The following LEPR variants were observed in gnomAD, a reference collection of about 807,000 sequenced individuals.
LEPR encodes the protein OB receptor.
LEPR carries 56 observed loss-of-function variants against 114.7 expected under a neutral mutation model. The ratio of observed to expected loss-of-function variants is 0.49; its 90% CI spans 0.39 to 0.61. The LOEUF (loss-of-function observed/expected upper bound fraction) is 0.61. Ranked by LOEUF, LEPR falls within the 20% of genes least tolerant of loss-of-function variation. LEPR has a pLI of 0.00. For missense variants in LEPR, 1,202 were observed against 1,352.9 expected (o/e 0.89, Z 1.75); for synonymous variants, 443 against 461.4 (o/e 0.96, Z 0.51).
At chr1:65,536,785 A>G (rs149278081) in intron 2 of LEPR, among the ~76,000 whole-genome samples, 10 of 152,300 alleles carry the variant, frequency 6.6e-5, no homozygotes, top group African/African-American at 2.4e-4. Context: ...TTTGTGATAC[A>G]GCAATTCAAA....
intron 1 of LEPR, among the ~76,000 whole-genome samples, chr1:65,422,395 C>T (rs1646268771): frequency 6.6e-6 from 1 of 152,154 alleles, no homozygotes; most frequent in Non-Finnish European, 1.5e-5. Context: ...TGCTTCCCTA[C>T]AGCCTTCAGA....
At chr1:65,552,854 T>A (rs1479597805) in intron 2 of LEPR, among the ~76,000 whole-genome samples, 1 of 152,222 alleles carries the variant, frequency 6.6e-6, no homozygotes, top group African/African-American at 2.4e-5. Context: ...TGGCTGGTAC[T>A]GGTTTTTCCT....
At chr1:65,424,955 C>G (rs1646330214) in intron 1 of LEPR, among the ~76,000 whole-genome samples, 1 of 152,190 alleles carries the variant, frequency 6.6e-6, no homozygotes, top group African/African-American at 2.4e-5. Context: ...GAAAGGGACA[C>G]ACATAATGCA....
rs1658769246 is a variant in LEPR at position 65,638,040 on chromosome 1, G to T, written c.*1025G>T. On this transcript the variant is annotated 3_prime_UTR_variant, in exon 20 of 20. Transcript: ENST00000349533. ...ACATAGCCATCAATTTAAAAAAACTGACTTGTAATCAAAATTTATTAAGTA... is the reference window on the plus strand; with the variant it reads ...ACATAGCCATCAATTTAAAAAAACTTACTTGTAATCAAAATTTATTAAGTA... 1 of 152,052 alleles carries T rather than the reference G, an allele frequency of 6.6e-6. No homozygotes were observed. Among genetic ancestry groups the T allele is most frequent in the Admixed American group, 6.6e-5 (1 of 15,248 alleles). The allele number at this position is 152,052 out of a possible 1,614,324, so 9.4% of individuals were successfully genotyped here. A position where few individuals can be genotyped will look rare whatever the true frequency, so the allele number is the denominator to read the frequency against.
chr1:65,594,351 G>A (rs895952680), intron 6 of LEPR, among the ~76,000 whole-genome samples: 3 of 152,040 alleles, frequency 2.0e-5, no homozygotes, highest in Non-Finnish European at 4.4e-5. Context: ...TAAGGGATGA[G>A]GTCAGAGTTA....
chr1:65,433,330 A>G (rs943403506), intron 2 of LEPR: 26 of 985,286 alleles, frequency 2.6e-5, no homozygotes, highest in Admixed American at 6.1e-5. Flanking sequence ...TCTTTTCTAT[A>G]TAACTTTATG....
intron 2 of LEPR, chr1:65,433,702 T>C (rs1646519704): frequency 1.7e-5 from 16 of 950,486 alleles, no homozygotes; most frequent in Non-Finnish European, 2.0e-5. Context: ...TTTCCAATAT[T>C]TATATTAGAA....
At chr1:65,459,827 C>G (rs983664747) in intron 2 of LEPR, among the ~76,000 whole-genome samples, 1 of 152,156 alleles carries the variant, frequency 6.6e-6, no homozygotes, top group South Asian at 2.1e-4. Context: ...TAGCCATTCT[C>G]TGTTATTTGC....
chr1:65,609,705 A>C (rs1657044479), intron 12 of LEPR, among the ~76,000 whole-genome samples: 1 of 152,190 alleles, frequency 6.6e-6, no homozygotes, highest in Non-Finnish European at 1.5e-5. Flanking sequence ...CAAGGTTGCA[A>C]GTAAACCAGT....
intron 2 of LEPR, among the ~76,000 whole-genome samples, chr1:65,535,505 C>T (rs1364997276): frequency 1.3e-5 from 2 of 152,036 alleles, no homozygotes; most frequent in South Asian, 2.1e-4. Context: ...CATGCTACCA[C>T]ACCTGGCTAA....
In LEPR at chr1:65,636,873, G is replaced by C; in HGVS notation, c.3356G>C (p.Ser1119Thr). 2.5e-6 allele frequency: 4 copies of C among 1,608,874 alleles called. No homozygotes were observed. The highest frequency in any genetic ancestry group is 3.4e-6 in the Non-Finnish European group (4 of 1,177,666). ...ACGGACATCAGAGTTCTCCAGGACA[G>C]TTGCTCACACTTTGTAGAAAATAAT... The part of the protein sequence containing the change: ...LFTDIRVLQD[S>T]CSHFVENNIN... Residue 1119 changes from serine to threonine, a missense_variant, in exon 20 of 20, where the codon AGT becomes ACT. Transcript: ENST00000349533.
At chr1:65,490,617 A>G (rs1647816240) in intron 2 of LEPR, among the ~76,000 whole-genome samples, 1 of 152,142 alleles carries the variant, frequency 6.6e-6, no homozygotes, top group Non-Finnish European at 1.5e-5. Flanking sequence ...GGAAAGAGAT[A>G]TTAGAAATGA....
intron 2 of LEPR, among the ~76,000 whole-genome samples, chr1:65,559,891 T>C (rs1570695829): frequency 7.2e-6 from 1 of 138,184 alleles, no homozygotes; most frequent in Non-Finnish European, 1.6e-5. Flanking sequence ...GAGGGCTCTG[T>C]TCTGTTCCAT....
chr1:65,534,843 T>A (rs1011089697), intron 2 of LEPR, among the ~76,000 whole-genome samples: 4 of 152,204 alleles, frequency 2.6e-5, no homozygotes, highest in Admixed American at 2.0e-4. Context: ...ATAATAGGCT[T>A]TAAAAACGTG....
intron 2 of LEPR, among the ~76,000 whole-genome samples, chr1:65,560,003 C>T (rs1653192868): frequency 6.8e-6 from 1 of 146,632 alleles, no homozygotes; most frequent in African/African-American, 2.5e-5. Flanking sequence ...CAGCTTTGTT[C>T]TTTTGGCTTA....
chr1:65,601,481 C>T lies in LEPR; in HGVS notation c.1084C>T (p.Pro362Ser). Residue 362 changes from proline to serine, a missense_variant, in exon 9 of 20, where the codon CCC (proline) becomes TCC (serine). By Grantham distance (74) the Pro-to-Ser change is moderately conservative. Coordinates refer to ENST00000349533, the MANE Select transcript of LEPR (RefSeq NM_002303.6). ...CIYKKENKIV[P>S]SKEIVWWMNL... ...CTATAAGAAGGAAAACAAGATTGTT[C>T]CCTCAAAAGAGATTGTTTGGTGGAT... The T allele has an allele frequency of 6.2e-7, 1 of 1,613,666 alleles. No individual in the cohort carries two copies. The highest frequency in any genetic ancestry group is 1.1e-5 in the South Asian group (1 of 91,068).
chr1:65,593,833 A>G (rs1655867783), intron 6 of LEPR, among the ~76,000 whole-genome samples: 1 of 151,512 alleles, frequency 6.6e-6, no homozygotes, highest in South Asian at 2.1e-4. Flanking sequence ...TACCATAGAG[A>G]AAAAAGTTAC....
At chr1:65,616,594 A>G (rs1227499438) in intron 15 of LEPR, among the ~76,000 whole-genome samples, 1 of 151,980 alleles carries the variant, frequency 6.6e-6, no homozygotes, top group Admixed American at 6.6e-5. Context: ...AATATGTAAA[A>G]ATAAGTATAT....
At chr1:65,566,904 AG>A (rs1052784155) in intron 3 of LEPR, among the ~76,000 whole-genome samples, 30 of 152,364 alleles carry the variant, frequency 2.0e-4, no homozygotes, top group African/African-American at 6.5e-4. Flanking sequence ...TTATGCCACA[AG>A]GGACTATCAA....
Sources: allele counts gnomAD v4.1 joint callset (sites outside exome capture counted in the v4.1 genomes callset), GRCh38; gene constraint gnomAD v4.1.1; transcripts MANE v1.5; gene names NCBI Gene and HGNC (gene_info 2026-07-23, HGNC 2026-07-21).